COL26A1: variants seen among roughly 807,000 people sequenced by gnomAD.
COL26A1 encodes collagen alpha-1(XXVI) chain.
In COL26A1, 41 loss-of-function variants were observed where a neutral mutation model predicts 59.3. The ratio of observed to expected loss-of-function variants is 0.69; its 90% CI spans 0.54 to 0.90. The LOEUF (loss-of-function observed/expected upper bound fraction) is 0.90. Ranked by LOEUF, COL26A1 falls within the 40% of genes least tolerant of loss-of-function variation. The pLI is 0.00. For synonymous variants in COL26A1, 266 were observed against 256.0 expected (o/e 1.04, Z -0.37); for missense variants, 612 against 602.3 (o/e 1.02, Z -0.17).
At chr7:101,423,547 A>C (rs1281363310) in intron 2 of COL26A1, among the ~76,000 whole-genome samples, 1 of 152,158 alleles carries the variant, frequency 6.6e-6, no homozygotes, top group Non-Finnish European at 1.5e-5. Context: ...AGCCTGGCCA[A>C]TATGGTGAAA....
intron 3 of COL26A1, among the ~76,000 whole-genome samples, chr7:101,507,265 G>A (rs17135557): frequency 0.093 from 14,077 of 152,082 alleles, 662 homozygotes; most frequent in South Asian, 0.1. Context: ...ACACTACTCC[G>A]TCTAGCCAAT....
rs61078390 is a variant in COL26A1, at chr7:101,375,198, C to T, written c.158+12008C>T. The stretch of plus-strand genomic sequence containing the variant: ...GCCTGCCCTCTCTATGCCTCAGTCA[C>T]CTCATCTATAAAATGGGTATGATTA... On this transcript the variant is annotated intron_variant, in intron 1 of 12. Coordinates refer to ENST00000313669, the MANE Select transcript of COL26A1 (RefSeq NM_001278563.3). 1.5e-3 allele frequency among the ~76,000 whole-genome samples: 233 copies of T among 152,274 alleles called. 1 individual carries two copies. The East Asian group carries it at 0.023, about 15-fold the overall frequency.
intron 3 of COL26A1, among the ~76,000 whole-genome samples, chr7:101,449,066 C>G (rs1286354556): frequency 6.6e-6 from 1 of 152,186 alleles, no homozygotes; most frequent in African/African-American, 2.4e-5. Flanking sequence ...TGCCTCTGGT[C>G]CTGGTTGATG....
intron 2 of COL26A1, among the ~76,000 whole-genome samples, chr7:101,430,766 C>T (rs1792759029): frequency 6.6e-6 from 1 of 151,710 alleles, no homozygotes; most frequent in African/African-American, 2.4e-5. Flanking sequence ...CAGAGACAGT[C>T]TTATTCCTTT....
chr7:101,555,660 T>A, intron 11 of COL26A1, 127 bp from the exon 12 acceptor site: 1 of 621,710 alleles, frequency 1.6e-6, no homozygotes, highest in East Asian at 2.8e-5. Context: ...TTTGCAGTGG[T>A]GAGGGTGTCG....
In COL26A1 at chr7:101,481,426, T is replaced by A. The variant is rs1035940352; in HGVS notation, c.385+33639T>A. Among the ~76,000 whole-genome samples the A allele has an allele frequency of 4.9e-5, 7 of 144,050 alleles. No individual in the cohort carries two copies. In the East Asian group the frequency reaches 9.8e-4, roughly 20 times the overall value. 94.5% of individuals were successfully genotyped at this position (144,050 alleles called of 152,430 possible). A position where few individuals can be genotyped will look rare whatever the true frequency, so the allele number is the denominator to read the frequency against. The stretch of plus-strand genomic sequence containing the variant: ...TTTATCACAATTATATATATATATA[T>A]AATTATATAGAATCTCCCAAAATAT... On this transcript the variant is annotated intron_variant, in intron 3 of 12. Transcript: ENST00000313669.
intron 3 of COL26A1, among the ~76,000 whole-genome samples, chr7:101,465,691 C>CAAAAAAAAAAAAAAAAAAAA (rs539721605): frequency 7.8e-5 from 8 of 102,662 alleles, no homozygotes; most frequent in South Asian, 3.2e-4. Context: ...GAAACTGTCT[C>CAAAAAAAAAAAAAAAAAAAA]AAAAAAAAAA....
Position 101,539,893 on chromosome 7 carries a change from G to A in COL26A1, c.448G>A (p.Val150Ile). The A allele has an allele frequency of 6.2e-7, 1 of 1,610,634 alleles. No individual in the cohort carries two copies. Among genetic ancestry groups the A allele is most frequent in the East Asian group, 2.2e-5 (1 of 44,834 alleles). The change falls in exon 5 of 13, where the codon GTC becomes ATC. Residue 150 changes from valine (V) to isoleucine (I), a missense_variant and splice_region_variant. By Grantham distance (29) the Val-to-Ile change is conservative (BLOSUM62 3). Transcript: ENST00000313669. Reference sequence around the variant, plus strand: ...TGACTCTCTATCTCCTTTGGCCCAGGTCCTCCTGCTAGAAGCAGCAGAACG... The same window carrying A: ...TGACTCTCTATCTCCTTTGGCCCAGATCCTCCTGCTAGAAGCAGCAGAACG... ...SERLTTLEAK[V>I]LLLEAAERPS...
chr7:101,522,356 C>T (rs571142623), intron 3 of COL26A1, among the ~76,000 whole-genome samples: 4 of 152,302 alleles, frequency 2.6e-5, no homozygotes, highest in Non-Finnish European at 5.9e-5. Flanking sequence ...CTGTCTCAGT[C>T]TGTTTTGTGC....
At chr7:101,392,482 A>ACCT (rs1341950956) in intron 1 of COL26A1, among the ~76,000 whole-genome samples, 16 of 144,444 alleles carry the variant, frequency 1.1e-4, no homozygotes, top group African/African-American at 4.1e-4. Flanking sequence ...GCTCACTGCA[A>ACCT]CCTCCGCCTC....
intron 3 of COL26A1, among the ~76,000 whole-genome samples, chr7:101,504,737 C>T (rs941551864): frequency 1.3e-5 from 2 of 152,172 alleles, no homozygotes; most frequent in African/African-American, 4.8e-5. Flanking sequence ...GAGTTCAGAG[C>T]GATTCAGTGA....
intron 3 of COL26A1, among the ~76,000 whole-genome samples, chr7:101,485,476 GAC>G (rs895493769): frequency 1.5e-4 from 23 of 152,190 alleles, no homozygotes; most frequent in African/African-American, 4.6e-4. Flanking sequence ...ACTCCCCTGG[GAC>G]ACACGCTTGT....
chr7:101,489,653 C>CTT (rs1404460954), intron 3 of COL26A1, among the ~76,000 whole-genome samples: 3 of 74,934 alleles, frequency 4.0e-5, no homozygotes, highest in African/African-American at 3.6e-4. Flanking sequence ...TTCTTTCTTT[C>CTT]TTTCTTTCTT....
At chr7:101,515,723 G>C (rs1487092858) in intron 3 of COL26A1, among the ~76,000 whole-genome samples, 1 of 151,916 alleles carries the variant, frequency 6.6e-6, no homozygotes, top group Non-Finnish European at 1.5e-5. Flanking sequence ...CAAGTAGCTG[G>C]GATTACAGGT....
chr7:101,414,292 G>C (rs1792318106), intron 1 of COL26A1, among the ~76,000 whole-genome samples: 1 of 152,094 alleles, frequency 6.6e-6, no homozygotes, highest in African/African-American at 2.4e-5. Context: ...GACTCAGTGT[G>C]GTTCAGAGAT....
intron 4 of COL26A1, among the ~76,000 whole-genome samples, chr7:101,534,512 A>G (rs1795437362): frequency 1.3e-5 from 2 of 152,108 alleles, no homozygotes; most frequent in Admixed American, 1.3e-4. Context: ...ACAGACACAC[A>G]CATTTGCACA....
At chr7:101,452,350 A>G (rs970903857) in intron 3 of COL26A1, among the ~76,000 whole-genome samples, 1 of 152,142 alleles carries the variant, frequency 6.6e-6, no homozygotes, top group African/African-American at 2.4e-5. Context: ...ACCTTTCTCA[A>G]TAGAGGAGGC....
intron 3 of COL26A1, among the ~76,000 whole-genome samples, chr7:101,477,090 C>T (rs145470237): frequency 0.018 from 2,723 of 151,994 alleles, 33 homozygotes; most frequent in Non-Finnish European, 0.028. Context: ...GTGATCTGCC[C>T]GCCTCAGCCT....
intron 1 of COL26A1, among the ~76,000 whole-genome samples, chr7:101,409,584 G>A (rs1414539474): frequency 6.6e-6 from 1 of 152,190 alleles, no homozygotes; most frequent in Non-Finnish European, 1.5e-5. Context: ...GGAAGTAGAA[G>A]CTGGAAGTAG....
Sources: gnomAD v4.1 joint callset for allele counts (sites outside exome capture counted in the v4.1 genomes callset) on GRCh38, gnomAD v4.1.1 for gene constraint, MANE v1.5 for transcripts, NCBI Gene and HGNC (gene_info 2026-07-23, HGNC 2026-07-21) for gene names.